Variants in MARK1 observed in about 807,000 individuals in gnomAD.
MARK1 encodes serine/threonine-protein kinase MARK1.
A neutral mutation model predicts 96.3 loss-of-function variants in MARK1; 40 were observed. The ratio of observed to expected loss-of-function variants is 0.42; its 90% CI spans 0.32 to 0.54. MARK1 has a LOEUF of 0.54. Among genes scored for constraint, MARK1 ranks in the 20% least tolerant of loss-of-function variants. The pLI, the probability that MARK1 is intolerant of heterozygous loss-of-function variation, is 0.16. For missense variants in MARK1, 719 were observed against 984.6 expected, an observed-to-expected ratio of 0.73 and a Z score of 3.61; for synonymous variants, 317 against 341.2, an observed-to-expected ratio of 0.93 and a Z score of 0.78.
chr1:220,572,468 C>T (rs556801022), intron 1 of MARK1, among the ~76,000 whole-genome samples: 4 of 152,182 alleles, frequency 2.6e-5, no homozygotes, highest in Non-Finnish European at 5.9e-5. Flanking sequence ...GTCTTGAACT[C>T]CCGACCTCAG....
At chr1:220,586,003 A>ACGCGCGCG (rs1384527636) in intron 3 of MARK1, among the ~76,000 whole-genome samples, 3 of 41,868 alleles carry the variant, frequency 7.2e-5, no homozygotes, top group Admixed American at 3.5e-4. Flanking sequence ...ACACACACAC[A>ACGCGCGCG]CACACACACG....
chr1:220,607,318 CTGTT>C (rs1232027604), intron 6 of MARK1, among the ~76,000 whole-genome samples: 1 of 152,046 alleles, frequency 6.6e-6, no homozygotes, highest in Non-Finnish European at 1.5e-5. Context: ...ATTTGGCTCT[CTGTT>C]TGTCTGTTAT....
intron 9 of MARK1, among the ~76,000 whole-genome samples, chr1:220,628,811 G>A (rs1046596523): frequency 6.6e-6 from 1 of 151,984 alleles, no homozygotes; most frequent in Non-Finnish European, 1.5e-5. Context: ...ATGTGGCTGG[G>A]CATGGTGGCT....
chr1:220,579,290 CTT>C (rs1281635359), intron 1 of MARK1, 62 bp from the exon 2 acceptor site: 22 of 1,116,520 alleles, frequency 2.0e-5, no homozygotes, highest in South Asian at 1.2e-4. Flanking sequence ...TATTTGTACT[CTT>C]TTTACTTGTC....
chr1:220,558,348 GA>G (rs1214786979), intron 1 of MARK1, among the ~76,000 whole-genome samples: 8 of 151,300 alleles, frequency 5.3e-5, no homozygotes, highest in South Asian at 4.2e-4. Flanking sequence ...GAAGATTGAA[GA>G]AAAGTAAATC....
intron 1 of MARK1, among the ~76,000 whole-genome samples, chr1:220,564,687 A>C (rs1050137630): frequency 6.6e-6 from 1 of 152,142 alleles, no homozygotes; most frequent in African/African-American, 2.4e-5. Context: ...TATCATATGG[A>C]AACTGTTAGT....
intron 16 of MARK1, among the ~76,000 whole-genome samples, chr1:220,656,106 A>G (rs145284349): frequency 2.6e-5 from 4 of 152,210 alleles, no homozygotes; most frequent in East Asian, 3.8e-4. Context: ...ATATATTGCT[A>G]TCTGTAGGTA....
intron 9 of MARK1, among the ~76,000 whole-genome samples, chr1:220,620,696 T>C (rs552171079): frequency 7.9e-5 from 12 of 152,266 alleles, no homozygotes; most frequent in Admixed American, 2.0e-4. Context: ...AAATTTTTAT[T>C]ACTAAAATAT....
rs1330298524 is a variant in MARK1 at position 220,598,398 on chromosome 1, T to A, written c.358+19T>A. On this transcript the variant is annotated intron_variant, in intron 4 of 17. Coordinates refer to ENST00000366917, the MANE Select transcript of MARK1 (RefSeq NM_018650.5). Reference sequence around the variant, plus strand: ...AATATAGGTATGAAATATATATATATTATATATATATATATATATAATTAG... The same window carrying A: ...AATATAGGTATGAAATATATATATAATATATATATATATATATATAATTAG... 3.7e-5 allele frequency: 8 copies of A among 213,926 alleles called. No homozygotes were observed. Among genetic ancestry groups the A allele is most frequent in the African/African-American group, 1.0e-4 (4 of 39,620 alleles). The allele number at this position is 213,926 out of a possible 1,614,324, so 13.3% of individuals were successfully genotyped here.
At chr1:220,586,009 A>ACGCGCGCG (rs66540247) in intron 3 of MARK1, among the ~76,000 whole-genome samples, 371 of 129,724 alleles carry the variant, frequency 2.9e-3, no homozygotes, top group African/African-American at 9.9e-3. Flanking sequence ...ACACACACAC[A>ACGCGCGCG]CACGCGCGCG....
At chr1:220,607,456 A>G (rs1666150218) in intron 6 of MARK1, among the ~76,000 whole-genome samples, 1 of 152,162 alleles carries the variant, frequency 6.6e-6, no homozygotes, top group South Asian at 2.1e-4. Context: ...ATTTACAATC[A>G]TGTCATCTGC....
intron 13 of MARK1, among the ~76,000 whole-genome samples, chr1:220,638,294 A>G (rs1421404938): frequency 1.3e-5 from 2 of 152,260 alleles, no homozygotes; most frequent in South Asian, 4.1e-4. Flanking sequence ...AGCTTTGTCT[A>G]TCTCCATGTC....
intron 13 of MARK1, among the ~76,000 whole-genome samples, chr1:220,646,162 A>G (rs538716717): frequency 5.3e-5 from 8 of 152,160 alleles, no homozygotes; most frequent in Non-Finnish European, 8.8e-5. Flanking sequence ...AGAAAATCCT[A>G]TCATCTCAAC....
chr1:220,580,405 G>C (rs1221435822), intron 2 of MARK1, among the ~76,000 whole-genome samples: 1 of 152,018 alleles, frequency 6.6e-6, no homozygotes, highest in Non-Finnish European at 1.5e-5. Flanking sequence ...GAGCCCGGGA[G>C]GTCAAGGCTG....
intron 13 of MARK1, among the ~76,000 whole-genome samples, chr1:220,643,663 C>T (rs1668410423): frequency 6.6e-6 from 1 of 152,022 alleles, no homozygotes; most frequent in Non-Finnish European, 1.5e-5. Context: ...AATGTTAAGG[C>T]CAACCAGAGA....
chr1:220,640,418 A>G (rs936278568), intron 13 of MARK1, among the ~76,000 whole-genome samples: 11 of 152,202 alleles, frequency 7.2e-5, no homozygotes, highest in Non-Finnish European at 1.2e-4. Flanking sequence ...CTGGCAGATG[A>G]TCTTTAAAAC....
chr1:220,626,547 G>A (rs1667347810), intron 9 of MARK1: 2 of 480,332 alleles, frequency 4.2e-6, no homozygotes, highest in Admixed American at 4.3e-5. Context: ...ATGCTGGCCT[G>A]TCGTGGTGGC....
At chr1:220,565,013 T>A (rs922757891) in intron 1 of MARK1, among the ~76,000 whole-genome samples, 1 of 152,168 alleles carries the variant, frequency 6.6e-6, no homozygotes, top group African/African-American at 2.4e-5. Context: ...GCTTATATTG[T>A]AATTTAAAAC....
chr1:220,559,087 A>C (rs550712357), intron 1 of MARK1, among the ~76,000 whole-genome samples: 1 of 152,358 alleles, frequency 6.6e-6, no homozygotes, highest in East Asian at 1.9e-4. Flanking sequence ...TTAATGAAAT[A>C]GCAAAATAAA....
Sources: allele counts gnomAD v4.1 joint callset (sites outside exome capture counted in the v4.1 genomes callset), GRCh38; gene constraint gnomAD v4.1.1; transcripts MANE v1.5; gene names NCBI Gene and HGNC (gene_info 2026-07-23, HGNC 2026-07-21).